Variants in HCN1 observed in about 807,000 individuals in gnomAD.
HCN1 encodes potassium/sodium hyperpolarization-activated cyclic nucleotide-gated channel 1.
In HCN1, 13 loss-of-function variants were observed where a neutral mutation model predicts 78.9. That is an observed-to-expected ratio of 0.16 (90% CI 0.11 to 0.26). The LOEUF is 0.26. Ranked by LOEUF, HCN1 falls within the 10% of genes least tolerant of loss-of-function variation. HCN1 has a pLI of 1.00. For missense variants in HCN1, 810 were observed against 1,154.3 expected, an observed-to-expected ratio of 0.70 and a Z score of 4.32; for synonymous variants, 552 against 455.5, an observed-to-expected ratio of 1.21 and a Z score of -2.70.
chr5:45,450,602 CAAAT>C (rs1740897377), intron 3 of HCN1, among the ~76,000 whole-genome samples: 4 of 151,854 alleles, frequency 2.6e-5, no homozygotes. Flanking sequence ...AACTGCTAGA[CAAAT>C]AAATAAGCAA....
At chr5:45,507,580 C>T (rs151251607) in intron 2 of HCN1, among the ~76,000 whole-genome samples, 5 of 152,222 alleles carry the variant, frequency 3.3e-5, no homozygotes, top group Non-Finnish European at 5.9e-5. Flanking sequence ...AATAAACATC[C>T]TTTTCAAAGA....
chr5:45,284,763 C>T (rs191541757), intron 6 of HCN1, among the ~76,000 whole-genome samples: 8 of 152,186 alleles, frequency 5.3e-5, no homozygotes, highest in Admixed American at 3.9e-4. Flanking sequence ...TTTCTCTTTA[C>T]AGAAGAAGAG....
intron 2 of HCN1, among the ~76,000 whole-genome samples, chr5:45,462,495 GT>G (rs1448878054): frequency 6.6e-6 from 1 of 152,090 alleles, no homozygotes; most frequent in Non-Finnish European, 1.5e-5. Context: ...ATAAATTACA[GT>G]TAAATTTATA....
chr5:45,329,711 C>T (rs1746307401), intron 5 of HCN1, among the ~76,000 whole-genome samples: 1 of 151,366 alleles, frequency 6.6e-6, no homozygotes, highest in Non-Finnish European at 1.5e-5. Flanking sequence ...TTATGTCCCA[C>T]TGTAGAACCT....
intron 3 of HCN1, among the ~76,000 whole-genome samples, chr5:45,436,535 G>T (rs1303704994): frequency 1.3e-5 from 2 of 152,086 alleles, no homozygotes; most frequent in East Asian, 3.9e-4. Context: ...CCAGTAAAAT[G>T]AAGTAATTAT....
chr5:45,355,590 C>T (rs1297834786), intron 4 of HCN1, among the ~76,000 whole-genome samples: 1 of 151,894 alleles, frequency 6.6e-6, no homozygotes, highest in Non-Finnish European at 1.5e-5. Context: ...GTTTAAGATG[C>T]CCATAGCACA....
rs552986128 is a variant in HCN1, at chr5:45,658,201, C to T, written c.426-12593G>A. On this transcript the variant is annotated intron_variant, in intron 1 of 7. Transcript: ENST00000303230. ...GCTAGCCATATGTAGAAAGCTGAAA[C>T]TGGATCCCTTCCTTACACCTTACAC... is the stretch of plus-strand genomic sequence containing the variant. 1.2e-3 allele frequency among the ~76,000 whole-genome samples: 188 copies of T among 152,282 alleles called. 1 individual carries two copies. Among genetic ancestry groups the T allele is most frequent in the African/African-American group, 4.2e-3 (176 of 41,560 alleles).
intron 2 of HCN1, among the ~76,000 whole-genome samples, chr5:45,502,245 A>G (rs1182437555): frequency 2.0e-5 from 3 of 151,776 alleles, no homozygotes; most frequent in African/African-American, 7.3e-5. Flanking sequence ...AGGCGGGCGG[A>G]TCATCTGAGG....
chr5:45,298,754 T>A (rs1183992883), intron 6 of HCN1, among the ~76,000 whole-genome samples: 1 of 151,994 alleles, frequency 6.6e-6, no homozygotes, highest in South Asian at 2.1e-4. Context: ...TACTCCCCGC[T>A]CCTTACTTGT....
At chr5:45,462,085 G>C in intron 2 of HCN1, 78 bp from the exon 3 acceptor site, 1 of 1,088,292 alleles carries the variant, frequency 9.2e-7, no homozygotes, top group African/African-American at 1.6e-5. Flanking sequence ...AGTAGGCATT[G>C]ATGTTGTGTA....
chr5:45,401,594 T>C (rs1739805364), intron 3 of HCN1, among the ~76,000 whole-genome samples: 1 of 151,904 alleles, frequency 6.6e-6, no homozygotes, highest in Admixed American at 6.6e-5. Context: ...ATGTCCTGAA[T>C]GTTTTTTCAG....
chr5:45,554,113 C>T (rs1657188585), intron 2 of HCN1, among the ~76,000 whole-genome samples: 3 of 151,850 alleles, frequency 2.0e-5, no homozygotes. Flanking sequence ...TAGTTCATTG[C>T]AGAGTCCAGA....
In HCN1 at chr5:45,364,550, T is replaced by C. The variant is rs146715459; in HGVS notation, c.1231-11304A>G. Among the ~76,000 whole-genome samples the C allele has an allele frequency of 5.9e-5, 9 of 152,162 alleles. No individual in the cohort carries two copies. In the East Asian group the frequency reaches 1.7e-3, roughly 29 times the overall value. On this transcript the variant is annotated intron_variant, in intron 4 of 7. Coordinates refer to ENST00000303230, the MANE Select transcript of HCN1 (RefSeq NM_021072.4). ...GAGCACATCAAACGCAAAATTGAAA[T>C]TGTCTTCCTTTTTCCTGCATGTCTT...
intron 3 of HCN1, among the ~76,000 whole-genome samples, chr5:45,405,005 CTG>C (rs765896499): frequency 4.6e-5 from 7 of 152,054 alleles, no homozygotes; most frequent in Non-Finnish European, 8.8e-5. Flanking sequence ...CTCAGAGACT[CTG>C]AAGTGCACAA....
chr5:45,317,697 A>G (rs372195751), intron 5 of HCN1, among the ~76,000 whole-genome samples: 1 of 151,562 alleles, frequency 6.6e-6, no homozygotes, highest in Non-Finnish European at 1.5e-5. Flanking sequence ...GAATCTACAA[A>G]GAGCTCAAAC....
chr5:45,613,723 AACAATGATAG>A, intron 2 of HCN1, among the ~76,000 whole-genome samples: 1 of 152,274 alleles, frequency 6.6e-6, no homozygotes, highest in East Asian at 1.9e-4. Context: ...CCAAATGTCC[AACAATGATAG>A]ACTGGATTAA....
chr5:45,301,522 C>G (rs1474199489), intron 6 of HCN1, among the ~76,000 whole-genome samples: 1 of 151,074 alleles, frequency 6.6e-6, no homozygotes, highest in East Asian at 2.0e-4. Flanking sequence ...AGTTAGAGAC[C>G]AGCCTGGGCA....
chr5:45,600,650 C>T (rs1278686486), intron 2 of HCN1, among the ~76,000 whole-genome samples: 1 of 152,164 alleles, frequency 6.6e-6, no homozygotes, highest in African/African-American at 2.4e-5. Flanking sequence ...AAATGCACTT[C>T]ACTGGCAATT....
intron 4 of HCN1, among the ~76,000 whole-genome samples, chr5:45,393,280 A>G (rs192319902): frequency 6.6e-6 from 1 of 152,312 alleles, no homozygotes; most frequent in East Asian, 1.9e-4. Context: ...TTGCAGAGGA[A>G]GAAGTGAACA....
Sources: allele counts gnomAD v4.1 joint callset (sites outside exome capture counted in the v4.1 genomes callset), GRCh38; gene constraint gnomAD v4.1.1; transcripts MANE v1.5; gene names NCBI Gene and HGNC (gene_info 2026-07-23, HGNC 2026-07-21).